Variants in LRRC7 observed in about 807,000 individuals in gnomAD.
The protein encoded by LRRC7 is leucine rich repeat containing 7.
A neutral mutation model predicts 175.7 loss-of-function variants in LRRC7; 23 were observed. That is an observed-to-expected ratio of 0.13 (90% CI 0.09 to 0.19). The LOEUF is 0.19. Among genes scored for constraint, LRRC7 ranks in the 10% least tolerant of loss-of-function variants. LRRC7 has a pLI of 1.00. For synonymous variants in LRRC7, 685 were observed against 680.9 expected, an observed-to-expected ratio of 1.01 and a Z score of -0.09; for missense variants, 1,354 against 1,904.7, an observed-to-expected ratio of 0.71 and a Z score of 5.38.
intron 8 of LRRC7, among the ~76,000 whole-genome samples, chr1:69,969,310 A>G (rs1471746981): frequency 6.6e-6 from 1 of 152,210 alleles, no homozygotes; most frequent in African/African-American, 2.4e-5. Context: ...AAATGGTCTA[A>G]ATGCTCCACT....
In LRRC7 at chr1:70,039,760, G is replaced by A. The variant is rs762369440; in HGVS notation, c.3936G>A (p.Leu1312=). 4 of 1,608,936 alleles carry A rather than the reference G, an allele frequency of 2.5e-6. No homozygotes were observed. In the East Asian group the frequency reaches 6.7e-5, roughly 27 times the overall value. The change falls in exon 21 of 27, where the codon CTG becomes CTA. Residue 1312 remains leucine (L), a synonymous_variant. Transcript: ENST00000651989. ...GKMPADWRQQ[L]LRHIEARRLD... ...TGCCTGCAGACTGGAGACAACAGCT[G>A]CTTAGACATATAGAAGCTAGACGGT...
At chr1:70,020,977 A>AG (rs1164183623) in intron 15 of LRRC7, 28 bp from the exon 16 acceptor site, 6 of 1,567,714 alleles carry the variant, frequency 3.8e-6, no homozygotes, top group African/African-American at 1.4e-5. Context: ...TTTTAAAAAA[A>AG]CAATAATACT....
At chr1:69,978,487 A>C (rs955250380) in intron 8 of LRRC7, among the ~76,000 whole-genome samples, 3 of 152,184 alleles carry the variant, frequency 2.0e-5, no homozygotes, top group African/African-American at 7.2e-5. Flanking sequence ...AGAGCAGTTC[A>C]TTGCCTGTTC....
At chr1:69,586,020 G>T (rs1266872337) in intron 1 of LRRC7, among the ~76,000 whole-genome samples, 1 of 152,140 alleles carries the variant, frequency 6.6e-6, no homozygotes, top group East Asian at 1.9e-4. Flanking sequence ...AATCTGTAAA[G>T]AATTGAGATT....
chr1:70,025,490 G>T (rs1657992738), intron 17 of LRRC7, among the ~76,000 whole-genome samples: 1 of 151,914 alleles, frequency 6.6e-6, no homozygotes, highest in African/African-American at 2.4e-5. Context: ...AAGGAATCCA[G>T]ATTTTTAAAA....
chr1:69,569,427 C>T (rs1645639062), intron 1 of LRRC7, among the ~76,000 whole-genome samples: 1 of 152,012 alleles, frequency 6.6e-6, no homozygotes, highest in Admixed American at 6.6e-5. Flanking sequence ...CTTGCGTCCT[C>T]CTCTCCGAGT....
At position 70,057,336 on chromosome 1, in the gene LRRC7, G is replaced by T. The variant is rs527922257; in HGVS notation, c.4230+4191G>T. On this transcript the variant is annotated intron_variant, in intron 23 of 26. Transcript: ENST00000651989. The stretch of plus-strand genomic sequence containing the variant: ...AAGAAAAATGGTCATGGGAGTATTA[G>T]CCTGGGCTGCAAAATTTACTGAAAT... Among the ~76,000 whole-genome samples, 26 of 152,330 alleles carry T rather than the reference G, an allele frequency of 1.7e-4. No homozygotes were observed. The South Asian group carries it at 5.4e-3, about 32-fold the overall frequency.
At chr1:69,994,845 A>C (rs1654778833) in intron 11 of LRRC7, among the ~76,000 whole-genome samples, 1 of 152,088 alleles carries the variant, frequency 6.6e-6, no homozygotes, top group South Asian at 2.1e-4. Context: ...TTATAATATC[A>C]TGAGAAATGT....
At chr1:69,961,441 T>A (rs919050144) in intron 8 of LRRC7, among the ~76,000 whole-genome samples, 1 of 152,138 alleles carries the variant, frequency 6.6e-6, no homozygotes, top group Non-Finnish European at 1.5e-5. Context: ...CTCTTCCCAT[T>A]AAACTACCAT....
Position 69,886,617 on chromosome 1 carries a change from A to G in LRRC7, c.648-44890A>G, listed in dbSNP as rs1223053547. On this transcript the variant is annotated intron_variant, in intron 7 of 26. Transcript: ENST00000651989. ...TAATTGGAGCATTTAGCCCATTTAC[A>G]TTTAAAGTTAATATTGTTATGTGTG... Among the ~76,000 whole-genome samples the G allele has an allele frequency of 2.0e-5, 3 of 149,428 alleles. No homozygotes were observed. In the East Asian group the frequency reaches 5.9e-4, roughly 30 times the overall value.
intron 8 of LRRC7, among the ~76,000 whole-genome samples, chr1:69,974,845 G>T (rs1430467860): frequency 6.6e-6 from 1 of 152,068 alleles, no homozygotes; most frequent in African/African-American, 2.4e-5. Context: ...GGGTATTTGT[G>T]ATCACCAACT....
chr1:70,122,977 G>A lies in LRRC7; in HGVS notation c.*1090G>A, dbSNP rs970637853. ...ACTTCAAATATAATTTCTCAGAGCT[G>A]TGGTCTACCTGTATCATTAATTTCA... On this transcript the variant is annotated 3_prime_UTR_variant, in exon 27 of 27. Coordinates refer to ENST00000651989, the MANE Select transcript of LRRC7 (RefSeq NM_001370785.2). 4 of 152,510 alleles carry A rather than the reference G, an allele frequency of 2.6e-5. No homozygotes were observed. The highest frequency in any genetic ancestry group is 5.9e-5 in the Non-Finnish European group (4 of 67,954). 9.4% of individuals were successfully genotyped at this position (152,510 alleles called of 1,614,324 possible).
At chr1:69,643,873 A>T (rs951846945) in intron 1 of LRRC7, among the ~76,000 whole-genome samples, 5 of 152,024 alleles carry the variant, frequency 3.3e-5, no homozygotes, top group Admixed American at 1.3e-4. Context: ...TTAGGAATTA[A>T]AAAAAAACTA....
chr1:69,978,847 T>C (rs1463536343), intron 8 of LRRC7, among the ~76,000 whole-genome samples: 1 of 152,140 alleles, frequency 6.6e-6, no homozygotes, highest in Non-Finnish European at 1.5e-5. Context: ...GCACTGCTTT[T>C]GTATTTTGGA....
At chr1:69,722,177 G>A (rs1046518087) in intron 2 of LRRC7, among the ~76,000 whole-genome samples, 4 of 151,820 alleles carry the variant, frequency 2.6e-5, no homozygotes, top group African/African-American at 7.3e-5. Flanking sequence ...CATAGAAATT[G>A]TAGCACGTTT....
At chr1:70,044,187 C>A (rs1156293662) in intron 22 of LRRC7, 93 bp downstream of exon 22, 3 of 1,346,322 alleles carry the variant, frequency 2.2e-6, no homozygotes, top group South Asian at 1.4e-5. Context: ...TACAACCCTG[C>A]TTACTATAGG....
chr1:69,685,980 A>G (rs1276198619), intron 2 of LRRC7, among the ~76,000 whole-genome samples: 1 of 152,158 alleles, frequency 6.6e-6, no homozygotes, highest in Non-Finnish European at 1.5e-5. Context: ...TAAAACAGCC[A>G]GAGTGCAATA....
intron 4 of LRRC7, among the ~76,000 whole-genome samples, chr1:69,816,453 A>G (rs2101174423): frequency 6.6e-6 from 1 of 152,262 alleles, no homozygotes. Context: ...ATTCTGACAA[A>G]TCTGCAGCCA....
intron 23 of LRRC7, among the ~76,000 whole-genome samples, chr1:70,062,394 C>G (rs1661649365): frequency 6.6e-6 from 1 of 152,056 alleles, no homozygotes; most frequent in African/African-American, 2.4e-5. Flanking sequence ...TCCATATACT[C>G]TTTTAAAACA....
Sources: gnomAD v4.1 joint callset for allele counts (sites outside exome capture counted in the v4.1 genomes callset) on GRCh38, gnomAD v4.1.1 for gene constraint, MANE v1.5 for transcripts, NCBI Gene and HGNC (gene_info 2026-07-23, HGNC 2026-07-21) for gene names.